TMEM132C: variants seen among roughly 807,000 people sequenced by gnomAD.
TMEM132C encodes the protein transmembrane protein 132C, also known as protein phosphatase 1, regulatory subunit 152.
A neutral mutation model predicts 61.4 loss-of-function variants in TMEM132C; 29 were observed. The observed-to-expected ratio is 0.47, with a 90% CI of 0.35 to 0.64. TMEM132C has a LOEUF of 0.64. Ranked by LOEUF, TMEM132C falls within the 30% of genes least tolerant of loss-of-function variation. TMEM132C has a pLI of 0.00. For synonymous variants in TMEM132C, 656 were observed against 633.1 expected, an observed-to-expected ratio of 1.04 and a Z score of -0.54; for missense variants, 1,408 against 1,476.9, an observed-to-expected ratio of 0.95 and a Z score of 0.76.
chr12:128,366,106 G>C (rs964128671), intron 1 of TMEM132C, among the ~76,000 whole-genome samples: 1 of 152,214 alleles, frequency 6.6e-6, no homozygotes, highest in South Asian at 2.1e-4. Context: ...CAGACAAGAT[G>C]TGTGTTGCAA....
chr12:128,431,037 T>G (rs1045873405), intron 2 of TMEM132C, among the ~76,000 whole-genome samples: 1 of 152,178 alleles, frequency 6.6e-6, no homozygotes, highest in Admixed American at 6.5e-5. Flanking sequence ...GAGGAAGGCA[T>G]GTGGAAAGTG....
intron 6 of TMEM132C, among the ~76,000 whole-genome samples, chr12:128,694,322 C>T (rs1437257784): frequency 6.6e-6 from 1 of 152,110 alleles, no homozygotes; most frequent in East Asian, 1.9e-4. Flanking sequence ...TCTTGGTTAC[C>T]AGGTAATTTG....
intron 2 of TMEM132C, chr12:128,439,107 T>C (rs938737913): frequency 2.0e-5 from 3 of 153,064 alleles, no homozygotes; most frequent in Admixed American, 6.5e-5. Flanking sequence ...GGCCATATGC[T>C]TCTCATAAGC....
chr12:128,328,862 T>A (rs1425696377), intron 1 of TMEM132C, among the ~76,000 whole-genome samples: 1 of 152,016 alleles, frequency 6.6e-6, no homozygotes. Flanking sequence ...CGTTGTGATT[T>A]GAGCCAGTTA....
chr12:128,375,044 G>A (rs1458372095), intron 1 of TMEM132C, among the ~76,000 whole-genome samples: 1 of 147,786 alleles, frequency 6.8e-6, no homozygotes, highest in Non-Finnish European at 1.5e-5. Flanking sequence ...GGTGGGTGGG[G>A]TGGGGGGTAT....
chr12:128,466,487 G>A (rs755625282), intron 2 of TMEM132C, among the ~76,000 whole-genome samples: 20 of 152,138 alleles, frequency 1.3e-4, no homozygotes, highest in Non-Finnish European at 1.8e-4. Flanking sequence ...GAGCCCAATC[G>A]TTCCACCAGG....
chr12:128,475,092 G>GT (rs1184704717), intron 2 of TMEM132C, among the ~76,000 whole-genome samples: 1 of 152,134 alleles, frequency 6.6e-6, no homozygotes, highest in Admixed American at 6.5e-5. Context: ...AGGGCTGTGG[G>GT]TGGGGGCACA....
chr12:128,497,105 C>A (rs1388626848), intron 2 of TMEM132C, among the ~76,000 whole-genome samples: 1 of 152,190 alleles, frequency 6.6e-6, no homozygotes, highest in Non-Finnish European at 1.5e-5. Flanking sequence ...CACTCCAGAC[C>A]CTGTTTGCCT....
At chr12:128,378,407 C>T (rs897021203) in intron 1 of TMEM132C, among the ~76,000 whole-genome samples, 10 of 144,218 alleles carry the variant, frequency 6.9e-5, no homozygotes, top group African/African-American at 1.7e-4. Flanking sequence ...TGAGCCACCA[C>T]GCCTGGCCAA....
At chr12:128,440,866 T>A (rs1012967239) in intron 2 of TMEM132C, among the ~76,000 whole-genome samples, 11 of 152,038 alleles carry the variant, frequency 7.2e-5, no homozygotes, top group Non-Finnish European at 1.5e-4. Context: ...CTGGCCAACA[T>A]GGTGAAACCC....
At position 128,646,924 on chromosome 12, in the gene TMEM132C, G is replaced by C. The variant is rs542717782; in HGVS notation, c.1306-22493G>C. 5.4e-4 allele frequency among the ~76,000 whole-genome samples: 81 copies of C among 150,810 alleles called. 1 individual carries two copies. The highest frequency in any genetic ancestry group is 1.5e-3 in the African/African-American group (63 of 40,952). ...GATGTGTGTTTACTGGAGTCCATCAGTGTTGGATGTGTGTTTACTGGAGTC... is the reference window on the plus strand; with the variant it reads ...GATGTGTGTTTACTGGAGTCCATCACTGTTGGATGTGTGTTTACTGGAGTC... On this transcript the variant is annotated intron_variant, in intron 4 of 8. Transcript: ENST00000435159.
At chr12:128,344,070 T>G (rs1453027510) in intron 1 of TMEM132C, among the ~76,000 whole-genome samples, 1 of 152,272 alleles carries the variant, frequency 6.6e-6, no homozygotes, top group Non-Finnish European at 1.5e-5. Context: ...TTGGCTTGTT[T>G]CCACCTTTTG....
At chr12:128,644,903 C>T (rs763881753) in intron 4 of TMEM132C, among the ~76,000 whole-genome samples, 2 of 152,160 alleles carry the variant, frequency 1.3e-5, no homozygotes, top group Non-Finnish European at 2.9e-5. Flanking sequence ...CCAGTCTCTG[C>T]CACAAGAGGG....
chr12:128,590,442 T>C (rs532611893), intron 3 of TMEM132C, among the ~76,000 whole-genome samples: 15 of 113,106 alleles, frequency 1.3e-4, no homozygotes, highest in African/African-American at 3.6e-4. Context: ...AAATTCTCAA[T>C]GCTTAGAAAA....
intron 2 of TMEM132C, among the ~76,000 whole-genome samples, chr12:128,440,325 C>A (rs948162011): frequency 2.6e-5 from 4 of 152,182 alleles, no homozygotes; most frequent in African/African-American, 9.7e-5. Context: ...ACAACAGAAT[C>A]CACTCTAGCT....
chr12:128,524,694 C>A (rs933763861), intron 2 of TMEM132C, among the ~76,000 whole-genome samples: 6 of 152,076 alleles, frequency 3.9e-5, no homozygotes, highest in African/African-American at 1.2e-4. Flanking sequence ...GCTTTGGGAT[C>A]GATGGGTTTC....
chr12:128,271,125 G>A (rs951789159), intron 1 of TMEM132C, among the ~76,000 whole-genome samples: 1 of 151,774 alleles, frequency 6.6e-6, no homozygotes, highest in Admixed American at 6.6e-5. Flanking sequence ...GTGGTGGCGG[G>A]GGCCTCTAAT....
intron 1 of TMEM132C, among the ~76,000 whole-genome samples, chr12:128,379,113 T>G (rs1254000275): frequency 2.6e-5 from 4 of 152,218 alleles, no homozygotes; most frequent in Admixed American, 6.5e-5. Flanking sequence ...GAGAACAGAC[T>G]GATACATGAG....
At chr12:128,485,588 T>G (rs1871464241) in intron 2 of TMEM132C, among the ~76,000 whole-genome samples, 1 of 151,180 alleles carries the variant, frequency 6.6e-6, no homozygotes, top group African/African-American at 2.4e-5. Flanking sequence ...TACTGGGGAG[T>G]GGGGTGCTAC....
Sources: gnomAD v4.1 joint callset for allele counts (sites outside exome capture counted in the v4.1 genomes callset) on GRCh38, gnomAD v4.1.1 for gene constraint, MANE v1.5 for transcripts, NCBI Gene and HGNC (gene_info 2026-07-23, HGNC 2026-07-21) for gene names.